The following NFIX variants were observed in gnomAD, a reference collection of about 807,000 sequenced individuals.
NFIX encodes the protein nuclear factor 1 X-type.
A neutral mutation model predicts 53.3 loss-of-function variants in NFIX; 2 were observed. That is an observed-to-expected ratio of 0.04 (90% confidence interval 0.02 to 0.12). The LOEUF is 0.12. Among genes scored for constraint, NFIX ranks in the 10% least tolerant of loss-of-function variants. The pLI, the probability that NFIX is intolerant of heterozygous loss-of-function variation, is 1.00. For missense variants in NFIX, 310 were observed against 674.5 expected (o/e 0.46, Z 5.99); for synonymous variants, 244 against 289.0 (o/e 0.84, Z 1.58).
At chr19:13,064,551 T>C (rs1387068560) in intron 2 of NFIX, among the ~76,000 whole-genome samples, 1 of 152,240 alleles carries the variant, frequency 6.6e-6, no homozygotes, top group Non-Finnish European at 1.5e-5. Flanking sequence ...TGTACAGGTG[T>C]CTGCCCAGGC....
rs1371633803 is a variant in NFIX, at chr19:13,097,855, A to G, written c.*3206A>G. ...CTCCCGCCCCCATTCAACATCTCTC[A>G]TCCTATCCCCGACCCCCTCCGGGGA... On this transcript the variant is annotated 3_prime_UTR_variant, in exon 11 of 11. Transcript: ENST00000592199. 1 of 137,786 alleles carries G rather than the reference A, an allele frequency of 7.3e-6. No homozygotes were observed. The highest frequency in any genetic ancestry group is 1.6e-5 in the Non-Finnish European group (1 of 62,904). 8.5% of individuals were successfully genotyped at this position (137,786 alleles called of 1,614,324 possible). A position where few individuals can be genotyped will look rare whatever the true frequency, so the allele number is the denominator to read the frequency against.
intron 2 of NFIX, among the ~76,000 whole-genome samples, chr19:13,064,421 G>C (rs2016277278): frequency 6.6e-6 from 1 of 152,230 alleles, no homozygotes; most frequent in Admixed American, 6.5e-5. Context: ...AGTCTAGGGG[G>C]ACAAGCTCTA....
chr19:13,034,242 C>T (rs2014018969), intron 2 of NFIX, among the ~76,000 whole-genome samples: 2 of 152,226 alleles, frequency 1.3e-5, no homozygotes, highest in Admixed American at 1.3e-4. Flanking sequence ...TGCGGCTCAG[C>T]TCAAGGGCTC....
intron 5 of NFIX, among the ~76,000 whole-genome samples, chr19:13,074,706 T>C (rs2016971181): frequency 1.4e-5 from 2 of 144,734 alleles, no homozygotes; most frequent in Non-Finnish European, 3.0e-5. Context: ...CCACTCCACT[T>C]TTTTTTTTTT....
At chr19:13,082,123 C>T (rs2017508708) in intron 8 of NFIX, 3 of 475,474 alleles carry the variant, frequency 6.3e-6, no homozygotes, top group Non-Finnish European at 1.1e-5. Flanking sequence ...TTCCCATGGT[C>T]CTTGCCCCCT....
chr19:13,046,819 G>A lies in NFIX; in HGVS notation c.559+21267G>A, dbSNP rs1156672448. ...AGAAGGGAGGAGAGAGAAGAGGGAT[G>A]GTGTTTGGGGGCATTGGGATGGCTC... On this transcript the variant is annotated intron_variant, in intron 2 of 10. Coordinates refer to ENST00000592199, the MANE Select transcript of NFIX (RefSeq NM_001365902.3). Among the ~76,000 whole-genome samples, 4 of 152,304 alleles carry A rather than the reference G, an allele frequency of 2.6e-5. No homozygotes were observed. The East Asian group carries it at 7.7e-4, about 29-fold the overall frequency.
chr19:13,031,835 G>A (rs2013833997), intron 2 of NFIX, among the ~76,000 whole-genome samples: 1 of 152,198 alleles, frequency 6.6e-6, no homozygotes, highest in Non-Finnish European at 1.5e-5. Context: ...AATGAGGCCA[G>A]TGCTACGTTC....
chr19:13,087,187 A>G (rs957298935), intron 8 of NFIX, among the ~76,000 whole-genome samples: 1 of 152,206 alleles, frequency 6.6e-6, no homozygotes, highest in Admixed American at 6.5e-5. Context: ...CTGAAGCCAG[A>G]AGGCCAACCC....
chr19:13,023,717 G>A (rs1056277530), intron 1 of NFIX, among the ~76,000 whole-genome samples: 1 of 147,122 alleles, frequency 6.8e-6, no homozygotes, highest in African/African-American at 2.5e-5. Flanking sequence ...CCTGGCGTGT[G>A]TGGCAGCCGG....
intron 2 of NFIX, chr19:13,070,681 C>CAGCAGCGCCCGGAGCAGCGCCCGG (rs926224527): frequency 6.6e-6 from 1 of 152,492 alleles, no homozygotes; most frequent in African/African-American, 2.4e-5. Flanking sequence ...AAATGGCTGC[C>CAGCAGCGCCCGGAGCAGCGCCCGG]AGCAGCGCCC....
chr19:12,998,511 G>C lies in NFIX; in HGVS notation c.27+2647G>C, dbSNP rs2011552063. On this transcript the variant is annotated intron_variant, in intron 1 of 10. Coordinates refer to ENST00000592199, the MANE Select transcript of NFIX (RefSeq NM_001365902.3). The surrounding 1 kb of genome is among the most constrained non-coding windows in gnomAD (Gnocchi z 4.4). ...AAGCATCGAAATTCAGGGCGGCCGG[G>C]TGGGGCGGTTCCTGGAGCTGCTGGA... Among the ~76,000 whole-genome samples, 1 of 152,052 alleles carries C rather than the reference G, an allele frequency of 6.6e-6. No individual in the cohort carries two copies. The highest frequency in any genetic ancestry group is 1.5e-5 in the Non-Finnish European group (1 of 68,020).
At chr19:13,075,441 GC>G (rs2017037331) in intron 5 of NFIX, 93 bp from the exon 6 acceptor site, 11 of 1,376,434 alleles carry the variant, frequency 8.0e-6, no homozygotes, top group Non-Finnish European at 1.1e-5. Context: ...CACCCAGAGG[GC>G]CATCTATGCA....
In NFIX at chr19:13,036,154, T is replaced by C. The variant is rs1205958898; in HGVS notation, c.559+10602T>C. On this transcript the variant is annotated intron_variant, in intron 2 of 10. Coordinates refer to ENST00000592199, the MANE Select transcript of NFIX (RefSeq NM_001365902.3). The surrounding 1 kb of genome is among the most constrained non-coding windows in gnomAD (Gnocchi z 4.7). ...GGGAAGTATCCTGCTTGGCTGCACC[T>C]GGCTTGGCCTCTGGAGTCGACTTCC... Among the ~76,000 whole-genome samples, 1 of 152,166 alleles carries C rather than the reference T, an allele frequency of 6.6e-6. No individual in the cohort carries two copies. The highest frequency in any genetic ancestry group is 1.5e-5 in the Non-Finnish European group (1 of 68,008).
In NFIX at chr19:13,022,456, A is replaced by G. The variant is rs1397968998; in HGVS notation, c.28-2565A>G. The stretch of plus-strand genomic sequence containing the variant: ...AAGGTGGCAGTACCCTGGGCACCAG[A>G]TCCCTGCCCTGGAAGTACTGCTGGC... On this transcript the variant is annotated intron_variant, in intron 1 of 10. Transcript: ENST00000592199. This position sits in a 1 kb window ranked among gnomAD's most constrained non-coding sequence, Gnocchi z 4.5. 1.3e-5 allele frequency among the ~76,000 whole-genome samples: 2 copies of G among 152,052 alleles called. No individual in the cohort carries two copies. Among genetic ancestry groups the G allele is most frequent in the African/African-American group, 2.4e-5 (1 of 41,394 alleles).
In NFIX at chr19:13,021,605, G is replaced by T. The variant is rs2012955732; in HGVS notation, c.28-3416G>T. ...AGGGCGGCTGTAGGGATGGGGTTCTGAGTGGAATTGGATCCCTTTCTCCCT... is the reference window on the plus strand; with the variant it reads ...AGGGCGGCTGTAGGGATGGGGTTCTTAGTGGAATTGGATCCCTTTCTCCCT... On this transcript the variant is annotated intron_variant, in intron 1 of 10. Coordinates refer to ENST00000592199, the MANE Select transcript of NFIX (RefSeq NM_001365902.3). This position sits in a 1 kb window ranked among gnomAD's most constrained non-coding sequence, Gnocchi z 4.2. Among the ~76,000 whole-genome samples the T allele has an allele frequency of 6.6e-6, 1 of 152,206 alleles. No individual in the cohort carries two copies. The highest frequency in any genetic ancestry group is 2.4e-5 in the African/African-American group (1 of 41,460).
chr19:13,064,143 G>A (rs1224569408), intron 2 of NFIX, among the ~76,000 whole-genome samples: 1 of 152,176 alleles, frequency 6.6e-6, no homozygotes, highest in Non-Finnish European at 1.5e-5. Context: ...TCCACTGTCA[G>A]TTTTTCTTCG....
chr19:13,061,082 ACCCCCCCCT>A (rs1189597697), intron 2 of NFIX, among the ~76,000 whole-genome samples: 1 of 136,784 alleles, frequency 7.3e-6, no homozygotes, highest in Non-Finnish European at 1.6e-5. Context: ...GTGGCCTTAG[ACCCCCCCCT>A]CCCCCCCAAA....
At chr19:13,041,702 G>A (rs1177211867) in intron 2 of NFIX, among the ~76,000 whole-genome samples, 1 of 151,130 alleles carries the variant, frequency 6.6e-6, no homozygotes, top group Non-Finnish European at 1.5e-5. Context: ...GCTGAGGCAG[G>A]AGAATCACTT....
At chr19:13,039,434 C>T (rs957281856) in intron 2 of NFIX, among the ~76,000 whole-genome samples, 3 of 152,146 alleles carry the variant, frequency 2.0e-5, no homozygotes, top group African/African-American at 7.2e-5. Flanking sequence ...GAATTGTGTT[C>T]CTCTTCAACA....
Sources: allele counts gnomAD v4.1 joint callset (sites outside exome capture counted in the v4.1 genomes callset), GRCh38; gene constraint gnomAD v4.1.1; non-coding constraint Gnocchi (gnomAD v3.1); transcripts MANE v1.5; gene names NCBI Gene and HGNC (gene_info 2026-07-23, HGNC 2026-07-21).